GRM7: variants seen among roughly 807,000 people sequenced by gnomAD.
GRM7 encodes metabotropic glutamate receptor 7.
GRM7 carries 35 observed loss-of-function variants against 84.5 expected under a neutral mutation model. The ratio of observed to expected loss-of-function variants is 0.41; its 90% CI spans 0.32 to 0.55. The LOEUF (loss-of-function observed/expected upper bound fraction) is 0.55, where lower values mean the gene tolerates loss of function less well. Among genes scored for constraint, GRM7 ranks in the 20% least tolerant of loss-of-function variants. The pLI is 0.19. For synonymous variants in GRM7, 487 were observed against 455.1 expected, an observed-to-expected ratio of 1.07 and a Z score of -0.89; for missense variants, 1,003 against 1,194.6, an observed-to-expected ratio of 0.84 and a Z score of 2.36.
intron 1 of GRM7, among the ~76,000 whole-genome samples, chr3:6,966,553 C>T (rs1693528133): frequency 1.3e-5 from 2 of 152,206 alleles, no homozygotes; most frequent in Admixed American, 1.3e-4. Flanking sequence ...CTCATTCAGG[C>T]ATGAATTCGT....
At chr3:7,399,771 C>A (rs1034451927) in intron 4 of GRM7, among the ~76,000 whole-genome samples, 10 of 152,296 alleles carry the variant, frequency 6.6e-5, no homozygotes, top group African/African-American at 2.4e-4. Flanking sequence ...CTCCTCCCCA[C>A]CACTTGTAAT....
chr3:7,193,765 G>T (rs1166120828), intron 2 of GRM7, among the ~76,000 whole-genome samples: 2 of 151,806 alleles, frequency 1.3e-5, no homozygotes, highest in Non-Finnish European at 2.9e-5. Context: ...AGTATTTTCA[G>T]AAGGACTTTA....
chr3:6,979,793 A>G (rs1381999432), intron 1 of GRM7, among the ~76,000 whole-genome samples: 1 of 152,220 alleles, frequency 6.6e-6, no homozygotes, highest in Non-Finnish European at 1.5e-5. Context: ...TCACTTTTGC[A>G]TCAACATAAT....
intron 2 of GRM7, among the ~76,000 whole-genome samples, chr3:7,167,536 G>A (rs2125084911): frequency 6.6e-6 from 1 of 152,284 alleles, no homozygotes; most frequent in Admixed American, 6.5e-5. Context: ...AGGCAGACTA[G>A]AACAAGTAAG....
At chr3:6,881,564 C>T (rs1695508007) in intron 1 of GRM7, among the ~76,000 whole-genome samples, 1 of 151,234 alleles carries the variant, frequency 6.6e-6, no homozygotes, top group African/African-American at 2.4e-5. Context: ...GTCTAATACC[C>T]ACAATCTACA....
chr3:7,693,050 T>C (rs1194965069), intron 9 of GRM7, among the ~76,000 whole-genome samples: 2 of 151,964 alleles, frequency 1.3e-5, no homozygotes, highest in Non-Finnish European at 2.9e-5. Flanking sequence ...TTTTTTTTGA[T>C]GGTCTAAAAA....
chr3:7,725,554 T>A (rs1253012007), intron 9 of GRM7, among the ~76,000 whole-genome samples: 2 of 152,010 alleles, frequency 1.3e-5, no homozygotes, highest in Non-Finnish European at 2.9e-5. Flanking sequence ...CCAGGAAAGG[T>A]CATAGGCATT....
chr3:7,686,428 C>CT, intron 9 of GRM7: 2 of 1,484,226 alleles, frequency 1.3e-6, no homozygotes, highest in Non-Finnish European at 1.9e-6. Flanking sequence ...AACAGTATAG[C>CT]TTTTGACTGC....
chr3:6,917,746 G>A (rs577162743), intron 1 of GRM7, among the ~76,000 whole-genome samples: 174 of 152,166 alleles, frequency 1.1e-3, no homozygotes, highest in African/African-American at 4.0e-3. Flanking sequence ...CATTGCAACT[G>A]AATTGATAGC....
chr3:7,125,096 T>C (rs917198534), intron 1 of GRM7, among the ~76,000 whole-genome samples: 1 of 152,124 alleles, frequency 6.6e-6, no homozygotes, highest in Non-Finnish European at 1.5e-5. Context: ...CCCACCACCA[T>C]GCCCACCTAA....
At chr3:7,050,567 C>A (rs1696959168) in intron 1 of GRM7, among the ~76,000 whole-genome samples, 1 of 151,836 alleles carries the variant, frequency 6.6e-6, no homozygotes, top group Non-Finnish European at 1.5e-5. Flanking sequence ...TTAATAAAAT[C>A]TAAAGTGCTG....
rs192386417 is a variant in GRM7 at position 7,479,688 on chromosome 3, G to A, written c.1515+17966G>A. Among the ~76,000 whole-genome samples, 521 of 152,204 alleles carry A rather than the reference G, an allele frequency of 3.4e-3. 10 individuals carry two copies. The highest frequency in any genetic ancestry group is 2.2e-4 in the Non-Finnish European group (15 of 68,032). On this transcript the variant is annotated intron_variant, in intron 7 of 9. Coordinates refer to ENST00000357716, the MANE Select transcript of GRM7 (RefSeq NM_000844.4). ...GCTCTCACAGCTCACTTATGAGGTC[G>A]GTGCTATTTTTATTCCCATTTTACA...
intron 6 of GRM7, among the ~76,000 whole-genome samples, chr3:7,459,216 G>A (rs914559019): frequency 2.6e-5 from 4 of 152,196 alleles, no homozygotes; most frequent in East Asian, 3.9e-4. Flanking sequence ...GACCAAAGCA[G>A]TGTTGCTCAC....
intron 2 of GRM7, among the ~76,000 whole-genome samples, chr3:7,211,960 T>TC (rs1241783417): frequency 6.6e-6 from 1 of 151,852 alleles, no homozygotes; most frequent in Non-Finnish European, 1.5e-5. Flanking sequence ...TTTTTTTTTT[T>TC]CTCCAATTAA....
At chr3:7,382,418 T>C (rs1193907023) in intron 4 of GRM7, among the ~76,000 whole-genome samples, 2 of 152,190 alleles carry the variant, frequency 1.3e-5, no homozygotes, top group Non-Finnish European at 1.5e-5. Context: ...AGGGCTGCGA[T>C]GGTGTGTATC....
At chr3:7,508,680 A>T (rs912836235) in intron 7 of GRM7, among the ~76,000 whole-genome samples, 1 of 152,150 alleles carries the variant, frequency 6.6e-6, no homozygotes, top group Non-Finnish European at 1.5e-5. Context: ...TTGTTTTTGG[A>T]AAAACGGTTC....
chr3:6,980,007 A>T (rs930945464), intron 1 of GRM7, among the ~76,000 whole-genome samples: 1 of 152,134 alleles, frequency 6.6e-6, no homozygotes, highest in Non-Finnish European at 1.5e-5. Flanking sequence ...AAAATCCCCA[A>T]ATCTCAACTG....
intron 1 of GRM7, among the ~76,000 whole-genome samples, chr3:7,086,908 C>T (rs766817954): frequency 3.3e-5 from 5 of 152,166 alleles, no homozygotes; most frequent in Non-Finnish European, 7.3e-5. Flanking sequence ...GAAGCCAATG[C>T]TGTTGTTTCT....
intron 4 of GRM7, among the ~76,000 whole-genome samples, chr3:7,331,597 C>T (rs1240265399): frequency 6.6e-6 from 1 of 152,166 alleles, no homozygotes; most frequent in Non-Finnish European, 1.5e-5. Flanking sequence ...GCCAAAAGCA[C>T]CTGAAACCCT....
Sources: gnomAD v4.1 joint callset for allele counts (sites outside exome capture counted in the v4.1 genomes callset) on GRCh38, gnomAD v4.1.1 for gene constraint, MANE v1.5 for transcripts, NCBI Gene and HGNC (gene_info 2026-07-23, HGNC 2026-07-21) for gene names.